CFAP61: variants seen among roughly 807,000 people sequenced by gnomAD.
CFAP61 encodes the protein cilia- and flagella-associated protein 61.
A neutral mutation model predicts 135.6 loss-of-function variants in CFAP61; 107 were observed. The ratio of observed to expected loss-of-function variants is 0.79; its 90% CI spans 0.67 to 0.93. The LOEUF (loss-of-function observed/expected upper bound fraction) is 0.93, where lower values mean the gene tolerates loss of function less well. Among genes scored for constraint, CFAP61 ranks in the 40% least tolerant of loss-of-function variants. CFAP61 has a pLI of 0.00. For synonymous variants in CFAP61, 575 were observed against 578.5 expected, an observed-to-expected ratio of 0.99 and a Z score of 0.09; for missense variants, 1,507 against 1,556.2, an observed-to-expected ratio of 0.97 and a Z score of 0.53.
At chr20:20,279,648 C>A (rs1296316105) in intron 22 of CFAP61, among the ~76,000 whole-genome samples, 2 of 152,126 alleles carry the variant, frequency 1.3e-5, no homozygotes, top group Admixed American at 6.6e-5. Flanking sequence ...CAGTTCAAAT[C>A]CATGTTGCCC....
intron 9 of CFAP61, among the ~76,000 whole-genome samples, chr20:20,145,911 A>G (rs988864745): frequency 6.6e-6 from 1 of 152,242 alleles, no homozygotes; most frequent in Non-Finnish European, 1.5e-5. Flanking sequence ...AGATTTCAAT[A>G]TGCTCCTCTC....
At chr20:20,349,613 A>G (rs549451097) in intron 26 of CFAP61, among the ~76,000 whole-genome samples, 4 of 152,340 alleles carry the variant, frequency 2.6e-5, no homozygotes, top group Admixed American at 1.3e-4. Flanking sequence ...ATAATTTGAA[A>G]ATGAAATGAA....
intron 17 of CFAP61, 104 bp downstream of exon 17, chr20:20,200,006 A>AG: frequency 1.5e-6 from 2 of 1,329,818 alleles, no homozygotes; most frequent in Non-Finnish European, 2.1e-6. Flanking sequence ...CTTCTTAATT[A>AG]CAGGGAACCT....
chr20:20,058,288 A>G (rs898848816), intron 2 of CFAP61, among the ~76,000 whole-genome samples: 3 of 152,252 alleles, frequency 2.0e-5, no homozygotes, highest in African/African-American at 7.2e-5. Flanking sequence ...TGGTGGACTC[A>G]GTACCTTAAA....
chr20:20,258,157 A>G (rs1190542284), intron 20 of CFAP61, among the ~76,000 whole-genome samples: 2 of 152,220 alleles, frequency 1.3e-5, no homozygotes, highest in African/African-American at 2.4e-5. Context: ...GAAATACCCA[A>G]TCAAAGGGCA....
chr20:20,265,778 G>A (rs1382741858), intron 21 of CFAP61: 2 of 299,210 alleles, frequency 6.7e-6, no homozygotes, highest in Non-Finnish European at 1.2e-5. Flanking sequence ...CCCTTTTCAA[G>A]TAAATTCTCA....
intron 17 of CFAP61, chr20:20,201,050 T>C (rs2056593244): frequency 1.3e-6 from 1 of 754,984 alleles, no homozygotes; most frequent in Admixed American, 6.2e-5. Context: ...CTTCTCAATC[T>C]ATCTGTCCTT....
rs61259459 is a variant in CFAP61 at position 20,124,917 on chromosome 20, G to A, written c.860-17940G>A. 3.3e-4 allele frequency among the ~76,000 whole-genome samples: 50 copies of A among 151,678 alleles called. No homozygotes were observed. In the East Asian group the frequency reaches 9.3e-3, roughly 28 times the overall value. On this transcript the variant is annotated intron_variant, in intron 8 of 26. Coordinates refer to ENST00000245957, the MANE Select transcript of CFAP61 (RefSeq NM_015585.4). The stretch of plus-strand genomic sequence containing the variant: ...TCACTGCTTATTATTGGTCTATTTA[G>A]GGTATCTAATTCTTCCTGATTTAAG...
At chr20:20,149,791 G>A (rs1301014934) in intron 9 of CFAP61, among the ~76,000 whole-genome samples, 3 of 152,188 alleles carry the variant, frequency 2.0e-5, no homozygotes, top group Non-Finnish European at 4.4e-5. Context: ...GTCACAGGGT[G>A]AAAGAAACTT....
intron 23 of CFAP61, among the ~76,000 whole-genome samples, chr20:20,289,901 A>C (rs2054877874): frequency 6.6e-6 from 1 of 152,214 alleles, no homozygotes; most frequent in Non-Finnish European, 1.5e-5. Flanking sequence ...TCCTAATTAA[A>C]TTCAATTTTT....
At chr20:20,235,000 G>A (rs554751552) in intron 18 of CFAP61, among the ~76,000 whole-genome samples, 102 of 152,228 alleles carry the variant, frequency 6.7e-4, no homozygotes, top group South Asian at 4.2e-3. Context: ...AAATTTGCAT[G>A]TCTAGATCCC....
chr20:20,151,672 AAAAC>A (rs1281033745), intron 9 of CFAP61, among the ~76,000 whole-genome samples: 4 of 151,890 alleles, frequency 2.6e-5, no homozygotes, highest in Non-Finnish European at 5.9e-5. Context: ...TAAAAATACA[AAAAC>A]AAAATTAGCC....
chr20:20,241,769 C>T (rs2050027742), intron 18 of CFAP61, among the ~76,000 whole-genome samples: 1 of 152,014 alleles, frequency 6.6e-6, no homozygotes, highest in Non-Finnish European at 1.5e-5. Context: ...ATTTTAACTG[C>T]TTGTGAGTAT....
chr20:20,247,542 C>T (rs1172696613), intron 19 of CFAP61, among the ~76,000 whole-genome samples: 3 of 152,206 alleles, frequency 2.0e-5, no homozygotes, highest in African/African-American at 7.2e-5. Flanking sequence ...CCACTAGCCA[C>T]GTGTATTTAC....
At chr20:20,154,888 TAC>T (rs1412433394) in intron 9 of CFAP61, among the ~76,000 whole-genome samples, 1 of 152,048 alleles carries the variant, frequency 6.6e-6, no homozygotes, top group Non-Finnish European at 1.5e-5. Context: ...CCCATAAAAA[TAC>T]CATCATCATT....
intron 18 of CFAP61, among the ~76,000 whole-genome samples, chr20:20,239,010 C>T (rs558833618): frequency 4.0e-5 from 6 of 151,672 alleles, no homozygotes; most frequent in South Asian, 2.1e-4. Context: ...TGAGGGCTCA[C>T]GGTGATGTTA....
intron 8 of CFAP61, among the ~76,000 whole-genome samples, chr20:20,133,809 G>A (rs994626926): frequency 2.0e-5 from 3 of 152,282 alleles, no homozygotes; most frequent in South Asian, 2.1e-4. Context: ...AATTGTCAAC[G>A]TATTAAGCTC....
chr20:20,191,241 C>A, intron 14 of CFAP61, 101 bp from the exon 15 acceptor site: 1 of 879,006 alleles, frequency 1.1e-6, no homozygotes, highest in Non-Finnish European at 1.8e-6. Context: ...GATGTTTGTT[C>A]TGTTGTTATG....
chr20:20,085,587 C>T, intron 6 of CFAP61: 1 of 1,228,080 alleles, frequency 8.1e-7, no homozygotes, highest in Non-Finnish European at 1.1e-6. Flanking sequence ...CATGAGCAGG[C>T]CTAGGGCTCT....
Sources: allele counts gnomAD v4.1 joint callset (sites outside exome capture counted in the v4.1 genomes callset), GRCh38; gene constraint gnomAD v4.1.1; transcripts MANE v1.5; gene names NCBI Gene and HGNC (gene_info 2026-07-23, HGNC 2026-07-21).